Variants in KANSL1 observed in about 807,000 individuals in gnomAD.
KANSL1 encodes the protein MLL1/MLL complex subunit KANSL1.
A neutral mutation model predicts 103.6 loss-of-function variants in KANSL1; 22 were observed. The ratio of observed to expected loss-of-function variants is 0.21; its 90% CI spans 0.15 to 0.30. KANSL1 has a LOEUF of 0.30. Among genes scored for constraint, KANSL1 ranks in the 10% least tolerant of loss-of-function variants. KANSL1 has a pLI of 1.00. For synonymous variants in KANSL1, 600 were observed against 527.6 expected, an observed-to-expected ratio of 1.14 and a Z score of -1.88; for missense variants, 1,337 against 1,399.8, an observed-to-expected ratio of 0.96 and a Z score of 0.72.
intron 1 of KANSL1, among the ~76,000 whole-genome samples, chr17:46,215,904 G>C (rs115636936): frequency 1.2e-3 from 183 of 152,122 alleles, no homozygotes; most frequent in African/African-American, 4.3e-3. Context: ...GGCCGGACGT[G>C]GTGGCGCACA....
chr17:46,061,948 C>T (rs1406671937), intron 6 of KANSL1, among the ~76,000 whole-genome samples: 1 of 151,792 alleles, frequency 6.6e-6, no homozygotes, highest in African/African-American at 2.4e-5. Flanking sequence ...AAATATTAGC[C>T]AGGCGTCGTC....
At chr17:46,106,387 C>CT in intron 2 of KANSL1, among the ~76,000 whole-genome samples, 1 of 152,032 alleles carries the variant, frequency 6.6e-6, no homozygotes, top group Non-Finnish European at 1.5e-5. Context: ...TGAGACCATA[C>CT]TTTTTTTGTT....
intron 3 of KANSL1, among the ~76,000 whole-genome samples, chr17:46,086,443 A>C (rs2158258): frequency 0.54 from 82,298 of 152,058 alleles, 22,683 homozygotes; most frequent in East Asian, 0.89. Context: ...TCAGTTAATT[A>C]AATCATTTAT....
At chr17:46,105,933 ACACACACACACACACCCC>A (rs1424123448) in intron 2 of KANSL1, among the ~76,000 whole-genome samples, 2 of 101,890 alleles carry the variant, frequency 2.0e-5, no homozygotes, top group African/African-American at 3.4e-5. Context: ...ACACACACAC[ACACACACACACACACCCC>A]CCCAGAAGGG....
intron 8 of KANSL1, 44 bp downstream of exon 8, chr17:46,039,658 A>C: frequency 1.3e-6 from 2 of 1,571,576 alleles, no homozygotes; most frequent in Non-Finnish European, 1.7e-6. Context: ...AGGAATGAAA[A>C]GTCACTGATA....
chr17:46,133,727 G>T (rs1036662437), intron 2 of KANSL1, among the ~76,000 whole-genome samples: 13 of 152,330 alleles, frequency 8.5e-5, no homozygotes, highest in South Asian at 4.1e-4. Context: ...TCAGGTAACT[G>T]AAAGTGGAGG....
intron 2 of KANSL1, among the ~76,000 whole-genome samples, chr17:46,095,018 G>A (rs1027729157): frequency 6.6e-6 from 1 of 152,024 alleles, no homozygotes; most frequent in Admixed American, 6.6e-5. Flanking sequence ...CATACATTAA[G>A]AATAATCTAT....
In KANSL1 at chr17:46,171,838, G is replaced by A; in HGVS notation, c.306C>T (p.Phe102=). ...GAGATTTAAGGACTGTCTGCTTGCT[G>A]AAGACCCCTTGCAACTTCAAAGACT... ...SKESLKLQGV[F]SKQTVLKSHP... The change falls in exon 2 of 15, where the codon TTC becomes TTT. Residue 102 remains phenylalanine (F), a synonymous_variant. Coordinates refer to ENST00000432791, the MANE Select transcript of KANSL1 (RefSeq NM_015443.4). 3.7e-6 allele frequency: 6 copies of A among 1,614,214 alleles called. No homozygotes were observed. Among genetic ancestry groups the A allele is most frequent in the Non-Finnish European group, 5.1e-6 (6 of 1,180,016 alleles).
At chr17:46,153,933 T>C (rs1179304390) in intron 2 of KANSL1, among the ~76,000 whole-genome samples, 2 of 152,182 alleles carry the variant, frequency 1.3e-5, no homozygotes, top group Non-Finnish European at 2.9e-5. Flanking sequence ...GTAAGGGCTT[T>C]AAATAAAGAG....
At chr17:46,052,949 G>GT (rs1229388654) in intron 6 of KANSL1, among the ~76,000 whole-genome samples, 1 of 71,554 alleles carries the variant, frequency 1.4e-5, no homozygotes, top group East Asian at 4.8e-4. Flanking sequence ...GGGAAAAAGA[G>GT]TAAGATCCTG....
At chr17:46,168,921 C>T (rs1166182409) in intron 2 of KANSL1, among the ~76,000 whole-genome samples, 2 of 152,184 alleles carry the variant, frequency 1.3e-5, no homozygotes, top group Non-Finnish European at 2.9e-5. Flanking sequence ...AGTCATTAAA[C>T]TATCCTACAG....
intron 1 of KANSL1, chr17:46,223,595 C>T (rs1370588893): frequency 1.3e-5 from 2 of 149,884 alleles, no homozygotes; most frequent in East Asian, 3.9e-4. Flanking sequence ...ATAGCAAATT[C>T]AAAAACTACA....
chr17:46,122,764 ATGATCTG>A (rs1476701572), intron 2 of KANSL1, among the ~76,000 whole-genome samples: 2 of 152,194 alleles, frequency 1.3e-5, no homozygotes, highest in African/African-American at 4.8e-5. Context: ...ATCTGTTATG[ATGATCTG>A]TGATCAGTGA....
intron 2 of KANSL1, among the ~76,000 whole-genome samples, chr17:46,104,797 A>G (rs1002447211): frequency 6.6e-6 from 1 of 152,244 alleles, no homozygotes; most frequent in African/African-American, 2.4e-5. Context: ...TGAGCAAAAT[A>G]CTAGGCTACT....
chr17:46,091,812 A>AGTATGTATGTATGTATGTAGGTAT (rs2079401401), intron 3 of KANSL1, among the ~76,000 whole-genome samples: 5 of 151,502 alleles, frequency 3.3e-5, no homozygotes, highest in Admixed American at 6.6e-5. Flanking sequence ...TATATATGTA[A>AGTATGTATGTATGTATGTAGGTAT]GTATGTATGT....
chr17:46,135,430 C>G (rs2044080613), intron 2 of KANSL1, among the ~76,000 whole-genome samples: 1 of 152,132 alleles, frequency 6.6e-6, no homozygotes, highest in African/African-American at 2.4e-5. Flanking sequence ...TCCATCTTAC[C>G]CAGATTAACG....
chr17:46,035,963 G>C (rs2077134327), intron 10 of KANSL1: 1 of 150,930 alleles, frequency 6.6e-6, no homozygotes, highest in African/African-American at 2.4e-5. Flanking sequence ...GAGAGCAGGT[G>C]ATGAGAATAA....
intron 2 of KANSL1, among the ~76,000 whole-genome samples, chr17:46,142,058 T>G (rs545851742): frequency 1.3e-5 from 2 of 152,292 alleles, no homozygotes; most frequent in East Asian, 3.9e-4. Flanking sequence ...CTGGCTAATT[T>G]TTTTGTATTT....
At chr17:46,063,380 A>G (rs1268021851) in intron 6 of KANSL1, among the ~76,000 whole-genome samples, 1 of 152,202 alleles carries the variant, frequency 6.6e-6, no homozygotes, top group Non-Finnish European at 1.5e-5. Flanking sequence ...TGTCTGGAAA[A>G]CCGAGCAATT....
Sources: allele counts gnomAD v4.1 joint callset (sites outside exome capture counted in the v4.1 genomes callset), GRCh38; gene constraint gnomAD v4.1.1; transcripts MANE v1.5; gene names NCBI Gene and HGNC (gene_info 2026-07-23, HGNC 2026-07-21).